The following STK3 variants were observed in gnomAD, a reference collection of about 807,000 sequenced individuals.
STK3 encodes the protein serine/threonine-protein kinase 3.
Under a neutral mutation model 58.0 loss-of-function variants are expected in STK3, and 41 were observed. The observed-to-expected ratio is 0.71, with a 90% confidence interval of 0.55 to 0.92. The LOEUF (loss-of-function observed/expected upper bound fraction) is 0.92, where lower values mean the gene tolerates loss of function less well. Ranked by LOEUF, STK3 falls within the 40% of genes least tolerant of loss-of-function variation. STK3 has a pLI of 0.00. For missense variants in STK3, 479 were observed against 602.7 expected, an observed-to-expected ratio of 0.79 and a Z score of 2.15; for synonymous variants, 170 against 191.0, an observed-to-expected ratio of 0.89 and a Z score of 0.91.
chr8:98,569,092 C>G (rs1812744770), intron 8 of STK3, among the ~76,000 whole-genome samples: 1 of 152,152 alleles, frequency 6.6e-6, no homozygotes, highest in South Asian at 2.1e-4. Flanking sequence ...TGGCATCTAT[C>G]TTCTCATCAG....
chr8:98,566,323 T>C (rs1282601964), intron 8 of STK3, among the ~76,000 whole-genome samples: 1 of 152,182 alleles, frequency 6.6e-6, no homozygotes, highest in Admixed American at 6.6e-5. Context: ...ACATTATAAA[T>C]TGATGAAAAT....
chr8:98,679,861 C>T (rs188796790), intron 6 of STK3, among the ~76,000 whole-genome samples: 106 of 152,230 alleles, frequency 7.0e-4, no homozygotes, highest in African/African-American at 2.2e-3. Flanking sequence ...CTATAGTAAA[C>T]AATAATGTAG....
At chr8:98,723,462 T>C (rs1165639620) in intron 4 of STK3, among the ~76,000 whole-genome samples, 1 of 152,124 alleles carries the variant, frequency 6.6e-6, no homozygotes, top group African/African-American at 2.4e-5. Context: ...TTGATAAAAA[T>C]ACACCCACCA....
intron 4 of STK3, among the ~76,000 whole-genome samples, chr8:98,736,678 A>G (rs1309711095): frequency 6.6e-6 from 1 of 152,174 alleles, no homozygotes; most frequent in East Asian, 1.9e-4. Context: ...TTTCAAAGAC[A>G]AGCACAATTC....
Position 98,428,312 on chromosome 8 carries a change from C to T in STK3, n.483+5815G>A. The stretch of plus-strand genomic sequence containing the variant: ...AGGAGATCGAGTACTGGGGCATCAA[C>T]GAGTTCTTCATTGACTCCTGCTGCA... On this transcript the variant is annotated intron_variant and non_coding_transcript_variant, in intron 3 of 3. Transcript: ENST00000517832. This position sits in a 1 kb window ranked among gnomAD's most constrained non-coding sequence, Gnocchi z 6.7. 4 of 1,614,104 alleles carry T rather than the reference C, an allele frequency of 2.5e-6. No homozygotes were observed. The highest frequency in any genetic ancestry group is 1.7e-5 in the Admixed American group (1 of 60,028).
intron 4 of STK3, among the ~76,000 whole-genome samples, chr8:98,713,224 A>G (rs926962758): frequency 2.0e-5 from 3 of 152,220 alleles, no homozygotes; most frequent in Non-Finnish European, 2.9e-5. Context: ...AATTAAAAGA[A>G]CTAGAAAAGC....
At chr8:98,558,625 T>C (rs1811778826) in intron 8 of STK3, among the ~76,000 whole-genome samples, 2 of 152,220 alleles carry the variant, frequency 1.3e-5, no homozygotes, top group African/African-American at 4.8e-5. Context: ...ATATATCTTA[T>C]GTTCTTAGAA....
chr8:98,566,059 A>G (rs906930712), intron 8 of STK3, among the ~76,000 whole-genome samples: 8 of 152,186 alleles, frequency 5.3e-5, no homozygotes, highest in African/African-American at 1.9e-4. Context: ...AAATCTGTAC[A>G]ATTACCTCAG....
chr8:98,667,860 T>G (rs1314527786), intron 6 of STK3, among the ~76,000 whole-genome samples: 1 of 152,090 alleles, frequency 6.6e-6, no homozygotes, highest in Non-Finnish European at 1.5e-5. Context: ...TTTTGTGTCT[T>G]ATTTTGGTAA....
chr8:98,538,143 G>C (rs1166109978), intron 9 of STK3, among the ~76,000 whole-genome samples: 1 of 152,102 alleles, frequency 6.6e-6, no homozygotes, highest in African/African-American at 2.4e-5. Flanking sequence ...ACATCAAAAA[G>C]ATTTATGAAG....
At chr8:98,461,926 C>T (rs1820012584) in intron 10 of STK3, among the ~76,000 whole-genome samples, 1 of 150,868 alleles carries the variant, frequency 6.6e-6, no homozygotes, top group African/African-American at 2.4e-5. Flanking sequence ...ATCTTTTTTG[C>T]AACGAATCTC....
chr8:98,634,232 A>G (rs1221224594), intron 6 of STK3, among the ~76,000 whole-genome samples: 1 of 152,198 alleles, frequency 6.6e-6, no homozygotes, highest in Non-Finnish European at 1.5e-5. Context: ...GTGGCCTGTA[A>G]TGCCAGCACT....
At chr8:98,440,717 AAGG>A (rs1014769972) in intron 1 of STK3, among the ~76,000 whole-genome samples, 15 of 152,322 alleles carry the variant, frequency 9.8e-5, no homozygotes, top group African/African-American at 3.4e-4. Context: ...GCTAAAATCT[AAGG>A]AGGAGGATGA....
downstream of STK3, among the ~76,000 whole-genome samples, chr8:98,366,313 A>C (rs191694772): frequency 2.0e-4 from 31 of 152,246 alleles, no homozygotes; most frequent in East Asian, 5.4e-3. Context: ...TCATTTTTCT[A>C]TTGGAATCTT....
intron 6 of STK3, among the ~76,000 whole-genome samples, chr8:98,697,934 G>T (rs201171527): frequency 8.9e-4 from 135 of 152,164 alleles, no homozygotes; most frequent in African/African-American, 3.1e-3. Context: ...CTTTCTGTCT[G>T]GTTGATCTGT....
At chr8:98,905,999 A>C (rs1357460358) in intron 1 of STK3, among the ~76,000 whole-genome samples, 2 of 152,206 alleles carry the variant, frequency 1.3e-5, no homozygotes, top group Non-Finnish European at 2.9e-5. Flanking sequence ...GATTGGTCAA[A>C]ACTCAGAGAT....
chr8:98,739,319 G>C (rs1587473040), intron 4 of STK3, among the ~76,000 whole-genome samples: 1 of 152,170 alleles, frequency 6.6e-6, no homozygotes, highest in South Asian at 2.1e-4. Context: ...CCTGACCCTG[G>C]AGCAGCCTAA....
intron 6 of STK3, among the ~76,000 whole-genome samples, chr8:98,695,040 A>G (rs1824757108): frequency 2.0e-5 from 3 of 152,288 alleles, no homozygotes; most frequent in South Asian, 4.1e-4. Context: ...AATGATTGCC[A>G]TTCTAACTGG....
At chr8:98,740,179 T>C (rs1470532823) in intron 4 of STK3, among the ~76,000 whole-genome samples, 2 of 152,104 alleles carry the variant, frequency 1.3e-5, no homozygotes, top group African/African-American at 2.4e-5. Context: ...TGCAGGATAT[T>C]ATCCAGGAGA....
Sources: allele counts gnomAD v4.1 joint callset (sites outside exome capture counted in the v4.1 genomes callset), GRCh38; gene constraint gnomAD v4.1.1; non-coding constraint Gnocchi (gnomAD v3.1); transcripts MANE v1.5; gene names NCBI Gene and HGNC (gene_info 2026-07-23, HGNC 2026-07-21).